ADCY8: variants seen among roughly 807,000 people sequenced by gnomAD.
The protein encoded by ADCY8 is adenylate cyclase type 8.
Under a neutral mutation model 119.7 loss-of-function variants are expected in ADCY8, and 51 were observed. The ratio of observed to expected loss-of-function variants is 0.43; its 90% CI spans 0.34 to 0.54. ADCY8 has a LOEUF of 0.54. Among genes scored for constraint, ADCY8 ranks in the 20% least tolerant of loss-of-function variants. ADCY8 has a pLI of 0.03. For missense variants in ADCY8, 1,383 were observed against 1,598.8 expected, an observed-to-expected ratio of 0.87 and a Z score of 2.30; for synonymous variants, 665 against 651.0, an observed-to-expected ratio of 1.02 and a Z score of -0.33.
intron 15 of ADCY8, among the ~76,000 whole-genome samples, chr8:130,794,945 C>G (rs1815533212): frequency 6.6e-6 from 1 of 152,140 alleles, no homozygotes; most frequent in Non-Finnish European, 1.5e-5. Flanking sequence ...AAATTCCAGG[C>G]TGGGGTGGTG....
intron 1 of ADCY8, among the ~76,000 whole-genome samples, chr8:131,005,028 C>T (rs1476052023): frequency 6.6e-6 from 1 of 152,156 alleles, no homozygotes. Flanking sequence ...AGACACTACC[C>T]CTGGCTCAGG....
chr8:130,816,979 C>T (rs1345792880), intron 13 of ADCY8, among the ~76,000 whole-genome samples: 2 of 151,870 alleles, frequency 1.3e-5, no homozygotes, highest in African/African-American at 4.8e-5. Flanking sequence ...AACAAATGAA[C>T]CTACACAGAG....
At chr8:130,920,982 C>T (rs1487182324) in intron 5 of ADCY8, among the ~76,000 whole-genome samples, 1 of 152,182 alleles carries the variant, frequency 6.6e-6, no homozygotes, top group Admixed American at 6.5e-5. Context: ...ATTTTGTGAA[C>T]CAATTTCTTA....
intron 9 of ADCY8, among the ~76,000 whole-genome samples, chr8:130,855,379 T>C (rs970617228): frequency 2.0e-5 from 3 of 152,186 alleles, no homozygotes; most frequent in Non-Finnish European, 4.4e-5. Context: ...ATGGATTGTC[T>C]GGTCAGAGTT....
At chr8:130,937,435 A>G (rs777480182) in intron 4 of ADCY8, among the ~76,000 whole-genome samples, 8 of 152,232 alleles carry the variant, frequency 5.3e-5, no homozygotes, top group Non-Finnish European at 1.0e-4. Context: ...TTTGAGCTCA[A>G]AAGCTACATG....
At chr8:130,956,085 C>T (rs900381252) in intron 2 of ADCY8, among the ~76,000 whole-genome samples, 2 of 152,160 alleles carry the variant, frequency 1.3e-5, no homozygotes, top group African/African-American at 4.8e-5. Flanking sequence ...GTCGAGACTG[C>T]AGTGAGCTGT....
intron 9 of ADCY8, among the ~76,000 whole-genome samples, chr8:130,857,265 C>T (rs868819717): frequency 3.4e-5 from 4 of 118,852 alleles, no homozygotes; most frequent in Non-Finnish European, 7.4e-5. Flanking sequence ...AAAATAAAAA[C>T]AAAAGCCCAT....
intron 2 of ADCY8, among the ~76,000 whole-genome samples, chr8:130,977,436 A>G (rs1261683427): frequency 6.6e-6 from 1 of 152,198 alleles, no homozygotes; most frequent in African/African-American, 2.4e-5. Flanking sequence ...TCCTCTTTTC[A>G]TACTCCAAAC....
At chr8:130,893,145 A>G (rs776177598) in intron 7 of ADCY8, among the ~76,000 whole-genome samples, 13 of 152,156 alleles carry the variant, frequency 8.5e-5, no homozygotes, top group Non-Finnish European at 1.6e-4. Flanking sequence ...AACTTGGCAC[A>G]CTCATTTAGA....
At chr8:130,986,571 A>G (rs1290717984) in intron 2 of ADCY8, among the ~76,000 whole-genome samples, 3 of 152,154 alleles carry the variant, frequency 2.0e-5, no homozygotes, top group African/African-American at 7.2e-5. Context: ...AACAATTTCA[A>G]CTCTACCTGG....
rs1450877534 is a variant in ADCY8, at chr8:130,803,324, G to T, written c.2914-2752C>A. Among the ~76,000 whole-genome samples, 7 of 152,288 alleles carry T rather than the reference G, an allele frequency of 4.6e-5. No homozygotes were observed. The East Asian group carries it at 1.2e-3, about 25-fold the overall frequency. On this transcript the variant is annotated intron_variant, in intron 14 of 17. Coordinates refer to ENST00000286355, the MANE Select transcript of ADCY8 (RefSeq NM_001115.3). ...GTTTAGAGGCTGCACTTGGTGCTTT[G>T]CAGTGACCTCAAAAACTCTACAGTA...
Position 131,003,206 on chromosome 8 carries a change from T to TCTCACACACACACACACA in ADCY8, c.961-12665_961-12664insTGTGTGTGTGTGTGTGAG, listed in dbSNP as rs372048150. 7.6e-3 allele frequency among the ~76,000 whole-genome samples: 1,046 copies of TCTCACACACACACACACA among 137,524 alleles called. 16 individuals carry two copies. The highest frequency in any genetic ancestry group is 0.028 in the African/African-American group (995 of 35,814). 90.2% of individuals were successfully genotyped at this position (137,524 alleles called of 152,430 possible). ...CCTGGGCAACAAGAGTGAAACACCATCACACACACACACACACACACACAC... is the reference window on the plus strand; with the variant it reads ...CCTGGGCAACAAGAGTGAAACACCATCTCACACACACACACACACACACACACACACACACACACACAC... On this transcript the variant is annotated intron_variant, in intron 1 of 17. Transcript: ENST00000286355.
At chr8:130,816,141 A>G (rs1422603950) in intron 13 of ADCY8, among the ~76,000 whole-genome samples, 1 of 152,236 alleles carries the variant, frequency 6.6e-6, no homozygotes, top group Non-Finnish European at 1.5e-5. Context: ...TGGCAAAAGT[A>G]TGAAAAGACC....
At chr8:130,930,588 TG>T (rs967708053) in intron 5 of ADCY8, among the ~76,000 whole-genome samples, 10 of 152,266 alleles carry the variant, frequency 6.6e-5, no homozygotes, top group African/African-American at 2.4e-4. Context: ...TATAGGTTTT[TG>T]CTTTGTGGTT....
intron 8 of ADCY8, among the ~76,000 whole-genome samples, chr8:130,883,961 T>G (rs1325768007): frequency 2.0e-5 from 3 of 152,178 alleles, no homozygotes; most frequent in African/African-American, 2.4e-5. Context: ...AGAGGGGAAC[T>G]CACGCTCAGA....
chr8:130,957,474 G>A (rs1280379306), intron 2 of ADCY8, among the ~76,000 whole-genome samples: 6 of 152,300 alleles, frequency 3.9e-5, no homozygotes, highest in South Asian at 4.1e-4. Flanking sequence ...GCAACTTGAC[G>A]ATGTGATAGA....
At chr8:130,842,906 C>G (rs1817191019) in intron 11 of ADCY8, among the ~76,000 whole-genome samples, 1 of 149,168 alleles carries the variant, frequency 6.7e-6, no homozygotes, top group Non-Finnish European at 1.5e-5. Flanking sequence ...TTCAAATATA[C>G]TCAGTCAAAT....
At chr8:130,809,403 G>C (rs1258466763) in intron 14 of ADCY8, among the ~76,000 whole-genome samples, 1 of 152,156 alleles carries the variant, frequency 6.6e-6, no homozygotes, top group Non-Finnish European at 1.5e-5. Context: ...TGCTCTTCAA[G>C]ACTTGTCTCT....
chr8:130,972,797 G>C (rs937122883), intron 2 of ADCY8, among the ~76,000 whole-genome samples: 1 of 151,970 alleles, frequency 6.6e-6, no homozygotes, highest in Admixed American at 6.5e-5. Context: ...TGACAGGCTA[G>C]GTTTCAGTAC....
Sources: gnomAD v4.1 joint callset for allele counts (sites outside exome capture counted in the v4.1 genomes callset) on GRCh38, gnomAD v4.1.1 for gene constraint, MANE v1.5 for transcripts, NCBI Gene and HGNC (gene_info 2026-07-23, HGNC 2026-07-21) for gene names.